The following FRMPD4 variants were observed in gnomAD, a reference collection of about 807,000 sequenced individuals.
The protein encoded by FRMPD4 is FERM and PDZ domain-containing protein 4.
A neutral mutation model predicts 94.1 loss-of-function variants in FRMPD4; 22 were observed. That is an observed-to-expected ratio of 0.23 (90% CI 0.17 to 0.33). The LOEUF is 0.33. FRMPD4 is among the 10% of genes least tolerant of loss of function. The pLI is 1.00. For missense variants in FRMPD4, 1,111 were observed against 1,339.9 expected, an observed-to-expected ratio of 0.83 and a Z score of 2.67; for synonymous variants, 631 against 548.6, an observed-to-expected ratio of 1.15 and a Z score of -2.10.
chrX:12,307,812 A>G (rs115298417), intron 1 of FRMPD4, among the ~76,000 whole-genome samples: 3,986 of 111,861 alleles, frequency 0.036, 166 homozygotes, highest in African/African-American at 0.12. Flanking sequence ...GAGCATAAGC[A>G]GGAGACAAAT....
At chrX:11,987,098 TAAAAAAAAAAAAAA>T (rs35377550) in intron 3 of FRMPD4, among the ~76,000 whole-genome samples, 738 of 21,836 alleles carry the variant, frequency 0.034, 13 homozygotes, top group Middle Eastern at 0.074. Context: ...AAAGACACAT[TAAAAAAAAAAAAAA>T]AAAAAAAAAA....
intron 1 of FRMPD4, among the ~76,000 whole-genome samples, chrX:12,267,234 T>C (rs2054290179): frequency 8.9e-6 from 1 of 112,147 alleles, no homozygotes. Flanking sequence ...TTTCTCCACA[T>C]TGTAGGTATA....
At chrX:11,994,848 C>G (rs1428474644) in intron 3 of FRMPD4, among the ~76,000 whole-genome samples, 1 of 111,859 alleles carries the variant, frequency 8.9e-6, no homozygotes, top group Non-Finnish European at 1.9e-5. Flanking sequence ...CCATAGACTT[C>G]TAGAAGACAT....
At chrX:12,131,825 G>A (rs1272661929) in intron 3 of FRMPD4, among the ~76,000 whole-genome samples, 1 of 111,925 alleles carries the variant, frequency 8.9e-6, no homozygotes, top group African/African-American at 3.2e-5. Flanking sequence ...TCCCTAAAAT[G>A]GGATAATAAT....
chrX:11,946,315 A>G (rs1396979824), intron 3 of FRMPD4, among the ~76,000 whole-genome samples: 2 of 111,899 alleles, frequency 1.8e-5, no homozygotes, highest in Non-Finnish European at 3.8e-5. Context: ...GGAAATCCAA[A>G]GTGCTGTGTG....
At chrX:12,594,851 T>G (rs757828204) in intron 2 of FRMPD4, among the ~76,000 whole-genome samples, 1 of 112,181 alleles carries the variant, frequency 8.9e-6, no homozygotes, top group Admixed American at 9.4e-5. Flanking sequence ...TTTTAGAGAA[T>G]GTATTGTTCC....
chrX:11,975,974 A>C (rs1317426811), intron 3 of FRMPD4, among the ~76,000 whole-genome samples: 1 of 112,324 alleles, frequency 8.9e-6, no homozygotes, highest in African/African-American at 3.2e-5. Flanking sequence ...TTTGCATTTT[A>C]ACAGGGGTCT....
intron 1 of FRMPD4, chrX:12,341,688 A>C (rs1465037117): frequency 6.3e-6 from 2 of 318,730 alleles, no homozygotes; most frequent in Non-Finnish European, 1.2e-5. Context: ...TTGAGCTCTT[A>C]ATATTCTATT....
chrX:11,845,304 C>T (rs956971257), intron 1 of FRMPD4, among the ~76,000 whole-genome samples: 2 of 111,708 alleles, frequency 1.8e-5, no homozygotes, highest in African/African-American at 3.3e-5. Context: ...AACAGGAAAT[C>T]TTGAAAGCAG....
chrX:12,424,930 C>T (rs531476965), intron 1 of FRMPD4, among the ~76,000 whole-genome samples: 4 of 111,350 alleles, frequency 3.6e-5, no homozygotes, highest in African/African-American at 6.5e-5. Context: ...TTGTCAAAGA[C>T]GAGCCTTACT....
At chrX:12,486,977 C>T (rs1274907474) in intron 1 of FRMPD4, among the ~76,000 whole-genome samples, 1 of 111,866 alleles carries the variant, frequency 8.9e-6, no homozygotes, top group East Asian at 2.8e-4. Flanking sequence ...CATCACTTAC[C>T]TTGCTATAGA....
intron 1 of FRMPD4, among the ~76,000 whole-genome samples, chrX:12,241,966 GGAGGAA>G (rs1210708397): frequency 3.4e-4 from 19 of 55,332 alleles, no homozygotes; most frequent in South Asian, 8.1e-4. Flanking sequence ...AGGAGGAGGA[GGAGGAA>G]GAGGAAGAGG....
rs769160334 is a variant in FRMPD4 at position 12,365,274 on chromosome X, A to G, written c.42-133406A>G. Reference sequence around the variant, plus strand: ...CAGAAGATCTGAGTTCCAATCAGAGACTTGCACCTCCCTTCTGTGGGACCT... The same window carrying G: ...CAGAAGATCTGAGTTCCAATCAGAGGCTTGCACCTCCCTTCTGTGGGACCT... On this transcript the variant is annotated intron_variant, in intron 1 of 16. Coordinates refer to ENST00000675598, the MANE Select transcript of FRMPD4 (RefSeq NM_001368397.1). 4.7e-4 allele frequency among the ~76,000 whole-genome samples: 53 copies of G among 111,873 alleles called. 1 individual carries two copies. The highest frequency in any genetic ancestry group is 1.7e-3 in the African/African-American group (53 of 30,825).
At chrX:12,031,765 G>A (rs1490746650) in intron 3 of FRMPD4, among the ~76,000 whole-genome samples, 1 of 111,875 alleles carries the variant, frequency 8.9e-6, no homozygotes, top group Non-Finnish European at 1.9e-5. Flanking sequence ...ACGTAATCAG[G>A]TGTGTATTTT....
intron 2 of FRMPD4, among the ~76,000 whole-genome samples, chrX:12,566,838 A>G (rs1602141196): frequency 1.8e-5 from 2 of 111,386 alleles, no homozygotes; most frequent in East Asian, 5.6e-4. Context: ...AGAAAGTAGC[A>G]AAAAATATTA....
intron 1 of FRMPD4, among the ~76,000 whole-genome samples, chrX:12,190,309 A>C (rs1454913449): frequency 9.0e-6 from 1 of 111,214 alleles, no homozygotes; most frequent in African/African-American, 3.3e-5. Flanking sequence ...GTTCAATACA[A>C]TCCCAGTCAA....
At chrX:12,521,909 TA>T (rs59419702) in intron 2 of FRMPD4, among the ~76,000 whole-genome samples, 26,675 of 101,361 alleles carry the variant, frequency 0.26, 3,122 homozygotes, top group Middle Eastern at 0.4. Context: ...TGAAGAAAGA[TA>T]AAAAAAAAAA....
At chrX:11,828,780 C>G (rs1368443370) in intron 1 of FRMPD4, among the ~76,000 whole-genome samples, 2 of 112,275 alleles carry the variant, frequency 1.8e-5, no homozygotes, top group African/African-American at 6.5e-5. Context: ...AGAAAAGAAT[C>G]TCATTATTTA....
intron 1 of FRMPD4, among the ~76,000 whole-genome samples, chrX:11,843,745 C>A (rs1284568892): frequency 9.2e-6 from 1 of 108,821 alleles, no homozygotes; most frequent in Non-Finnish European, 1.9e-5. Context: ...TTTTGTGGGT[C>A]TTGCTGTGTT....
Sources: allele counts gnomAD v4.1 joint callset (sites outside exome capture counted in the v4.1 genomes callset), GRCh38; gene constraint gnomAD v4.1.1; transcripts MANE v1.5; gene names NCBI Gene and HGNC (gene_info 2026-07-23, HGNC 2026-07-21).